ZNF670: variants seen among roughly 807,000 people sequenced by gnomAD.
ZNF670 encodes the protein zinc finger protein 670.
ZNF670 carries 7 observed loss-of-function variants against 10.9 expected under a neutral mutation model. That is an observed-to-expected ratio of 0.64 (90% confidence interval 0.36 to 1.20). The LOEUF (loss-of-function observed/expected upper bound fraction) is 1.20. ZNF670 is among the 50% of genes most tolerant of loss of function. The pLI is 0.02. For synonymous variants in ZNF670, 136 were observed against 152.7 expected (o/e 0.89, Z 0.81); for missense variants, 446 against 458.6 (o/e 0.97, Z 0.25).
chr1:247,041,312 GA>G (rs1007084006), intron 1 of ZNF670, among the ~76,000 whole-genome samples: 2 of 152,054 alleles, frequency 1.3e-5, no homozygotes, highest in Non-Finnish European at 2.9e-5. Flanking sequence ...AAAGCAGTGG[GA>G]AAAAACTGTA....
At position 247,038,200 on chromosome 1, in the gene ZNF670, A is replaced by G. The variant is rs1029848242; in HGVS notation, c.419T>C (p.Leu140Ser). 3.7e-6 allele frequency: 6 copies of G among 1,614,182 alleles called. No homozygotes were observed. In the South Asian group the frequency reaches 6.6e-5, roughly 18 times the overall value. The change falls in exon 4 of 4, where the codon TTA becomes TCA. Residue 140 changes from leucine to serine, a missense_variant. Physicochemically the swap from Leu to Ser is moderately radical, Grantham distance 145. Transcript: ENST00000366503. ...TTTCCCACATTGTTTGCAATGATATAACTTCTCTGGACATTCCTCACACTC... is the reference window on the plus strand; with the variant it reads ...TTTCCCACATTGTTTGCAATGATATGACTTCTCTGGACATTCCTCACACTC... ...LFECEECPEK[L>S]YHCKQCGKAF...
At chr1:247,078,284 A>C (rs55994743) in intron 1 of ZNF670, among the ~76,000 whole-genome samples, 2,034 of 152,330 alleles carry the variant, frequency 0.013, 47 homozygotes, top group African/African-American at 0.047. Context: ...CCCACGCAGG[A>C]ACCCCGAACC....
At chr1:247,045,515 CT>C (rs939984694) in intron 1 of ZNF670, among the ~76,000 whole-genome samples, 2 of 152,164 alleles carry the variant, frequency 1.3e-5, no homozygotes, top group Admixed American at 1.3e-4. Context: ...CCTGTTCCCC[CT>C]CTGCCTTCCG....
chr1:247,054,928 C>T (rs2103062009), intron 1 of ZNF670, among the ~76,000 whole-genome samples: 1 of 151,914 alleles, frequency 6.6e-6, no homozygotes, highest in East Asian at 1.9e-4. Flanking sequence ...TAAATCATAC[C>T]AAGGGAGGAA....
chr1:247,038,914 TA>T, intron 2 of ZNF670, 44 bp from the exon 3 acceptor site: 2 of 1,524,126 alleles, frequency 1.3e-6, no homozygotes, highest in East Asian at 2.3e-5. Context: ...TTAGAAACTT[TA>T]AAAATTGCTA....
chr1:247,037,353 GT>G lies in ZNF670; in HGVS notation c.*95del. The G allele has an allele frequency of 7.0e-7, 1 of 1,425,578 alleles. No homozygotes were observed. Among genetic ancestry groups the G allele is most frequent in the Non-Finnish European group, 9.3e-7 (1 of 1,071,204 alleles). 88.3% of individuals were successfully genotyped at this position (1,425,578 alleles called of 1,614,324 possible). ...TGTGTTGGGTTTCTCTCTAATTTGA[GT>G]TTTTAATTTTTTCACGTGTTCTAAT... On this transcript the variant is annotated 3_prime_UTR_variant, in exon 4 of 4. Transcript: ENST00000366503.
At chr1:247,046,523 G>C (rs1670452651) in intron 1 of ZNF670, among the ~76,000 whole-genome samples, 1 of 152,186 alleles carries the variant, frequency 6.6e-6, no homozygotes, top group South Asian at 2.1e-4. Flanking sequence ...TAAGCCTGCA[G>C]GTGCATAGAA....
Position 247,038,303 on chromosome 1 carries a change from T to C in ZNF670, c.316A>G (p.Ser106Gly). 6.2e-7 allele frequency: 1 copy of C among 1,614,214 alleles called. No homozygotes were observed. The highest frequency in any genetic ancestry group is 8.5e-7 in the Non-Finnish European group (1 of 1,180,022). Residue 106 changes from serine to glycine, a missense_variant, in exon 4 of 4, where the codon AGT becomes GGT. Transcript: ENST00000366503. ...VSTGVKPCEC[S>G]VCGKVFICHS... is the part of the protein sequence containing the mutation. ...CATATGAAGACTTTTCCACACACAC[T>C]GCATTCACATGGCTTTACTCCAGTA...
At chr1:247,069,135 T>C (rs932824053) in intron 1 of ZNF670, among the ~76,000 whole-genome samples, 6 of 151,078 alleles carry the variant, frequency 4.0e-5, no homozygotes, top group African/African-American at 1.5e-4. Context: ...GCACAAGGTG[T>C]CTACAGTCAA....
chr1:247,070,722 G>A lies in ZNF670; in HGVS notation c.3+7872C>T, dbSNP rs569249402. The stretch of plus-strand genomic sequence containing the variant: ...ACCTACAGAATACAAGAAAATATTT[G>A]CTATCTGTGTATCTGACAACGGTTT... On this transcript the variant is annotated intron_variant, in intron 1 of 3. Coordinates refer to ENST00000366503, the MANE Select transcript of ZNF670 (RefSeq NM_033213.5). Among the ~76,000 whole-genome samples, 8 of 152,254 alleles carry A rather than the reference G, an allele frequency of 5.3e-5. No individual in the cohort carries two copies. In the East Asian group the frequency reaches 1.3e-3, roughly 26 times the overall value.
At chr1:247,049,501 G>T (rs1670541723) in intron 1 of ZNF670, among the ~76,000 whole-genome samples, 1 of 151,848 alleles carries the variant, frequency 6.6e-6, no homozygotes. Context: ...TGTATTTTTT[G>T]TTTGTTTCAA....
chr1:247,078,508 G>T (rs1671308304), intron 1 of ZNF670, 86 bp downstream of exon 1: 1 of 1,557,518 alleles, frequency 6.4e-7, no homozygotes, highest in Non-Finnish European at 8.8e-7. Flanking sequence ...ACTCGGGTCG[G>T]CACCGCGGGG....
At chr1:247,077,342 A>G (rs1671277460) in intron 1 of ZNF670, among the ~76,000 whole-genome samples, 1 of 152,100 alleles carries the variant, frequency 6.6e-6, no homozygotes, top group Non-Finnish European at 1.5e-5. Context: ...TTCATTAGAC[A>G]CTCCAAGAGA....
intron 1 of ZNF670, among the ~76,000 whole-genome samples, chr1:247,074,724 G>A (rs1032594002): frequency 1.3e-5 from 2 of 152,054 alleles, no homozygotes; most frequent in Non-Finnish European, 2.9e-5. Flanking sequence ...TCACAGTAGG[G>A]TTCGTGCTCC....
At position 247,036,343 on chromosome 1, in the gene ZNF670, C is replaced by G. The variant is rs1232435769; in HGVS notation, c.*1106G>C. On this transcript the variant is annotated 3_prime_UTR_variant, in exon 4 of 4. Coordinates refer to ENST00000366503, the MANE Select transcript of ZNF670 (RefSeq NM_033213.5). ...ACAAGCATACTGTCCAATCACAGTT[C>G]TCTCTTCTTAATTCAAAGTAAAAAG... Among the ~76,000 whole-genome samples, 1 of 152,188 alleles carries G rather than the reference C, an allele frequency of 6.6e-6. No homozygotes were observed. The highest frequency in any genetic ancestry group is 1.5e-5 in the Non-Finnish European group (1 of 68,036).
chr1:247,064,997 C>G (rs1188095730), intron 1 of ZNF670, among the ~76,000 whole-genome samples: 1 of 151,942 alleles, frequency 6.6e-6, no homozygotes, highest in African/African-American at 2.4e-5. Context: ...TTTGTAGAGA[C>G]GGGGTTTTAC....
rs1357122838 is a variant in ZNF670 at position 247,069,501 on chromosome 1, T to C, written c.3+9093A>G. 2.6e-5 allele frequency among the ~76,000 whole-genome samples: 4 copies of C among 151,142 alleles called. No individual in the cohort carries two copies. In the East Asian group the frequency reaches 7.7e-4, roughly 29 times the overall value. ...TCCAGCAATCCTCCTGCTAGGTATA[T>C]AGCCAAAAGAAAGGAAACCAGTATG... On this transcript the variant is annotated intron_variant, in intron 1 of 3. Coordinates refer to ENST00000366503, the MANE Select transcript of ZNF670 (RefSeq NM_033213.5).
intron 1 of ZNF670, among the ~76,000 whole-genome samples, chr1:247,059,415 C>T (rs1294370603): frequency 6.6e-6 from 1 of 151,930 alleles, no homozygotes; most frequent in African/African-American, 2.4e-5. Context: ...CACTGCACTC[C>T]AGCCTGGGAG....
rs1188584299 is a variant in ZNF670 at position 247,075,902 on chromosome 1, G to A, written c.3+2692C>T. ...GAGAAACTTACTACACTCACTCTTGGGAAGAAAAAGGTTAACAAGAATTTT... is the reference window on the plus strand; with the variant it reads ...GAGAAACTTACTACACTCACTCTTGAGAAGAAAAAGGTTAACAAGAATTTT... On this transcript the variant is annotated intron_variant, in intron 1 of 3. Transcript: ENST00000366503. 3.3e-5 allele frequency among the ~76,000 whole-genome samples: 5 copies of A among 151,996 alleles called. No individual in the cohort carries two copies. The East Asian group carries it at 9.6e-4, about 29-fold the overall frequency.
Sources: allele counts gnomAD v4.1 joint callset (sites outside exome capture counted in the v4.1 genomes callset), GRCh38; gene constraint gnomAD v4.1.1; transcripts MANE v1.5; gene names NCBI Gene and HGNC (gene_info 2026-07-23, HGNC 2026-07-21).